NXPH2: variants seen among roughly 807,000 people sequenced by gnomAD.
The protein encoded by NXPH2 is neurexophilin-2.
A neutral mutation model predicts 19.8 loss-of-function variants in NXPH2; 5 were observed. The observed-to-expected ratio is 0.25, with a 90% CI of 0.13 to 0.53. NXPH2 has a LOEUF of 0.53. NXPH2 is among the 20% of genes least tolerant of loss of function. The probability of loss-of-function intolerance (pLI) is 0.96; values close to 1 mark genes in which losing one functional copy is unlikely to be tolerated. For synonymous variants in NXPH2, 154 were observed against 127.4 expected (o/e 1.21, Z -1.41); for missense variants, 289 against 322.8 (o/e 0.90, Z 0.80).
chr2:138,742,598 G>A (rs1681662360), intron 1 of NXPH2, among the ~76,000 whole-genome samples: 1 of 152,170 alleles, frequency 6.6e-6, no homozygotes, highest in Non-Finnish European at 1.5e-5. Context: ...ATGTATGAAA[G>A]TGACAGGTGT....
At position 138,780,319 on chromosome 2, in the gene NXPH2, C is replaced by A; in HGVS notation, c.-78G>T. The A allele has an allele frequency of 8.7e-7, 1 of 1,148,220 alleles. No homozygotes were observed. The highest frequency in any genetic ancestry group is 1.1e-6 in the Non-Finnish European group (1 of 887,790). The allele number at this position is 1,148,220 out of a possible 1,614,324, so 71.1% of individuals were successfully genotyped here. A position where few individuals can be genotyped will look rare whatever the true frequency, so the allele number is the denominator to read the frequency against. ...CGCATCTCCACTTCGCGGGGCAGGA[C>A]TGAGGACGCCAGGGACACAGCGCGG... On this transcript the variant is annotated 5_prime_UTR_variant, in exon 1 of 2. Coordinates refer to ENST00000272641, the MANE Select transcript of NXPH2 (RefSeq NM_007226.3).
intron 1 of NXPH2, among the ~76,000 whole-genome samples, chr2:138,751,371 G>T (rs1681826581): frequency 6.6e-6 from 1 of 151,996 alleles, no homozygotes; most frequent in African/African-American, 2.4e-5. Flanking sequence ...CTTAAAATTT[G>T]GAATGTATTC....
chr2:138,670,891 T>C lies in NXPH2; in HGVS notation c.*31A>G, dbSNP rs1340509648. The C allele has an allele frequency of 2.5e-6, 4 of 1,590,972 alleles. No homozygotes were observed. Among genetic ancestry groups the C allele is most frequent in the Non-Finnish European group, 3.4e-6 (4 of 1,167,808 alleles). On this transcript the variant is annotated 3_prime_UTR_variant, in exon 2 of 2. Coordinates refer to ENST00000272641, the MANE Select transcript of NXPH2 (RefSeq NM_007226.3). ...CTTTGTCATTCTAATCAAATACATA[T>C]GTATCCCTCATTTCCACCACAGCAG... is the stretch of plus-strand genomic sequence containing the variant.
intron 1 of NXPH2, among the ~76,000 whole-genome samples, chr2:138,777,061 C>T (rs1484100835): frequency 6.6e-6 from 1 of 151,786 alleles, no homozygotes; most frequent in Non-Finnish European, 1.5e-5. Context: ...TAAACGTTAG[C>T]TAATCATTCA....
chr2:138,671,629 C>T lies in NXPH2; in HGVS notation c.88G>A (p.Glu30Lys). The T allele has an allele frequency of 1.9e-6, 3 of 1,594,384 alleles. No homozygotes were observed. The highest frequency in any genetic ancestry group is 2.6e-6 in the Non-Finnish European group (3 of 1,171,534). ...TCTTTGTCTTCCCAATCCAGCCCCT[C>T]CGTGGCATGCACCACTTCCTTACTG... ...CDSKEVVHAT[E>K]GLDWEDKDAP... Residue 30 changes from glutamate (E) to lysine (K), a missense_variant, in exon 2 of 2, where the codon GAG becomes AAG. Coordinates refer to ENST00000272641, the MANE Select transcript of NXPH2 (RefSeq NM_007226.3).
At chr2:138,685,125 T>G (rs1424517758) in intron 1 of NXPH2, among the ~76,000 whole-genome samples, 1 of 152,220 alleles carries the variant, frequency 6.6e-6, no homozygotes, top group African/African-American at 2.4e-5. Context: ...GGGTTGGCCT[T>G]ATTCAATCAG....
chr2:138,712,739 C>T (rs1367968400), intron 1 of NXPH2, among the ~76,000 whole-genome samples: 1 of 152,200 alleles, frequency 6.6e-6, no homozygotes, highest in East Asian at 1.9e-4. Context: ...TGCCTCTGAC[C>T]ACAAAGTCCA....
intron 1 of NXPH2, among the ~76,000 whole-genome samples, chr2:138,779,830 G>C (rs1682322901): frequency 6.6e-6 from 1 of 152,122 alleles, no homozygotes; most frequent in Non-Finnish European, 1.5e-5. Flanking sequence ...CTGTGAACAG[G>C]AGGAAGGTCT....
At chr2:138,678,236 C>T (rs958874117) in intron 1 of NXPH2, among the ~76,000 whole-genome samples, 2 of 152,068 alleles carry the variant, frequency 1.3e-5, no homozygotes, top group Admixed American at 6.6e-5. Context: ...CTCATGATTA[C>T]GCTAGGGTTA....
chr2:138,724,667 T>C (rs1382225979), intron 1 of NXPH2, among the ~76,000 whole-genome samples: 1 of 152,230 alleles, frequency 6.6e-6, no homozygotes, highest in Non-Finnish European at 1.5e-5. Flanking sequence ...TATGACTGCT[T>C]CAGTGCAAAG....
At position 138,758,975 on chromosome 2, in the gene NXPH2, C is replaced by T. The variant is rs912466399; in HGVS notation, c.51+21216G>A. 3.9e-5 allele frequency among the ~76,000 whole-genome samples: 6 copies of T among 152,098 alleles called. No individual in the cohort carries two copies. The East Asian group carries it at 9.6e-4, about 24-fold the overall frequency. ...GGTCCTGAGGCAATTTTGCAGCCAC[C>T]CACCCCAGTTATAAAGCAATTTGTG... On this transcript the variant is annotated intron_variant, in intron 1 of 1. Transcript: ENST00000272641.
chr2:138,738,395 T>C (rs2105004499), intron 1 of NXPH2, among the ~76,000 whole-genome samples: 1 of 152,334 alleles, frequency 6.6e-6, no homozygotes, highest in South Asian at 2.1e-4. Context: ...AATCACTATT[T>C]ATAATTTTAT....
intron 1 of NXPH2, among the ~76,000 whole-genome samples, chr2:138,745,781 G>GT (rs1364352027): frequency 2.6e-5 from 4 of 151,904 alleles, no homozygotes; most frequent in Non-Finnish European, 5.9e-5. Context: ...CAGGACAGCT[G>GT]TTACCTATGG....
chr2:138,716,443 G>A (rs554452191), intron 1 of NXPH2, among the ~76,000 whole-genome samples: 6 of 152,162 alleles, frequency 3.9e-5, no homozygotes, highest in Admixed American at 3.9e-4. Context: ...CTGCAAAGCA[G>A]GAAGAATACT....
intron 1 of NXPH2, among the ~76,000 whole-genome samples, chr2:138,751,053 T>C (rs557547030): frequency 5.0e-4 from 70 of 138,762 alleles, no homozygotes; most frequent in Non-Finnish European, 8.8e-4. Context: ...TCTTTCTCAT[T>C]ACCCTGTGTT....
At chr2:138,767,261 C>T (rs1189348423) in intron 1 of NXPH2, among the ~76,000 whole-genome samples, 1 of 152,224 alleles carries the variant, frequency 6.6e-6, no homozygotes, top group Non-Finnish European at 1.5e-5. Context: ...ACAGTGTGGC[C>T]TGACCACAGA....
At chr2:138,675,711 G>T (rs755075990) in intron 1 of NXPH2, among the ~76,000 whole-genome samples, 1 of 151,970 alleles carries the variant, frequency 6.6e-6, no homozygotes, top group South Asian at 2.1e-4. Flanking sequence ...TACAAAAGTT[G>T]TTTTATTCTT....
At chr2:138,776,095 C>T (rs1042474129) in intron 1 of NXPH2, among the ~76,000 whole-genome samples, 10 of 152,020 alleles carry the variant, frequency 6.6e-5, no homozygotes, top group African/African-American at 9.7e-5. Flanking sequence ...TTGATTGCTA[C>T]CACTAAACGA....
chr2:138,698,153 C>A (rs1260167597), intron 1 of NXPH2, among the ~76,000 whole-genome samples: 4 of 152,096 alleles, frequency 2.6e-5, no homozygotes, highest in African/African-American at 9.7e-5. Flanking sequence ...AAACTGCAAA[C>A]AACCAAAATC....
Sources: gnomAD v4.1 joint callset for allele counts (sites outside exome capture counted in the v4.1 genomes callset) on GRCh38, gnomAD v4.1.1 for gene constraint, MANE v1.5 for transcripts, NCBI Gene and HGNC (gene_info 2026-07-23, HGNC 2026-07-21) for gene names.